The following FMN2 variants were observed in gnomAD, a reference collection of about 807,000 sequenced individuals.
The protein encoded by FMN2 is formin 2, also known as formin-2.
FMN2 carries 51 observed loss-of-function variants against 142.3 expected under a neutral mutation model. The ratio of observed to expected loss-of-function variants is 0.36; its 90% confidence interval spans 0.29 to 0.45. FMN2 has a LOEUF of 0.45. Among genes scored for constraint, FMN2 ranks in the 20% least tolerant of loss-of-function variants. The pLI, the probability that FMN2 is intolerant of heterozygous loss-of-function variation, is 1.00. For synonymous variants in FMN2, 882 were observed against 869.8 expected (o/e 1.01, Z -0.25); for missense variants, 1,936 against 2,122.8 (o/e 0.91, Z 1.73).
intron 2 of FMN2, among the ~76,000 whole-genome samples, chr1:240,162,300 C>T (rs1188274827): frequency 6.6e-6 from 1 of 151,984 alleles, no homozygotes; most frequent in Non-Finnish European, 1.5e-5. Flanking sequence ...CCCATCTCTA[C>T]TAAAAATAGA....
At chr1:240,439,280 A>AAAAAAG (rs1553265374) in intron 16 of FMN2, among the ~76,000 whole-genome samples, 1 of 34,224 alleles carries the variant, frequency 2.9e-5, no homozygotes, top group Non-Finnish European at 7.7e-5. Context: ...CAAAAAAAAA[A>AAAAAAG]AAGAAAGAAA....
At chr1:240,147,380 A>G (rs1399931033) in intron 2 of FMN2, among the ~76,000 whole-genome samples, 1 of 152,076 alleles carries the variant, frequency 6.6e-6, no homozygotes, top group African/African-American at 2.4e-5. Flanking sequence ...TTCTGTTGCC[A>G]TCACTCTGGT....
intron 1 of FMN2, among the ~76,000 whole-genome samples, chr1:240,111,100 T>C (rs1661792831): frequency 6.6e-6 from 1 of 152,228 alleles, no homozygotes; most frequent in Non-Finnish European, 1.5e-5. Flanking sequence ...TATTGGGTAC[T>C]GTTAAGCCTG....
chr1:240,416,415 C>T (rs894844564), intron 15 of FMN2, among the ~76,000 whole-genome samples: 1 of 151,956 alleles, frequency 6.6e-6, no homozygotes, highest in Non-Finnish European at 1.5e-5. Flanking sequence ...CGTGCCACCA[C>T]CAAAAATTAG....
intron 14 of FMN2, among the ~76,000 whole-genome samples, chr1:240,356,216 C>T (rs1394635467): frequency 6.6e-6 from 1 of 151,946 alleles, no homozygotes; most frequent in Non-Finnish European, 1.5e-5. Context: ...ATTAACAATT[C>T]TGTGCTTTTT....
At chr1:240,346,271 TTAATAA>T (rs147700048) in intron 13 of FMN2, among the ~76,000 whole-genome samples, 3 of 151,872 alleles carry the variant, frequency 2.0e-5, no homozygotes, top group Non-Finnish European at 4.4e-5. Flanking sequence ...CAGTAAGAAA[TTAATAA>T]TAATAATAAA....
At chr1:240,141,414 C>T (rs980598481) in intron 2 of FMN2, among the ~76,000 whole-genome samples, 16 of 152,134 alleles carry the variant, frequency 1.1e-4, no homozygotes, top group East Asian at 3.9e-4. Context: ...TGCAATGGCA[C>T]GATCTCGGCT....
intron 4 of FMN2, among the ~76,000 whole-genome samples, chr1:240,192,841 T>A (rs528633267): frequency 0.2 from 5,528 of 28,158 alleles, 345 homozygotes; most frequent in African/African-American, 0.47. Context: ...AAAGAAAGGA[T>A]TTTTTTTTTT....
intron 2 of FMN2, among the ~76,000 whole-genome samples, chr1:240,161,275 T>TA (rs1459506742): frequency 6.6e-6 from 1 of 152,004 alleles, no homozygotes; most frequent in East Asian, 1.9e-4. Flanking sequence ...AGATGATCTT[T>TA]AAAAAAATCA....
At chr1:240,204,524 G>A (rs915239181) in intron 4 of FMN2, among the ~76,000 whole-genome samples, 3 of 152,246 alleles carry the variant, frequency 2.0e-5, no homozygotes, top group African/African-American at 4.8e-5. Context: ...GCCGAGGTGC[G>A]TGGATCACCT....
At chr1:240,118,076 G>A (rs1302621384) in intron 1 of FMN2, among the ~76,000 whole-genome samples, 1 of 152,170 alleles carries the variant, frequency 6.6e-6, no homozygotes, top group Non-Finnish European at 1.5e-5. Context: ...AAGTCTTCAT[G>A]GTGAGAGTGA....
intron 15 of FMN2, among the ~76,000 whole-genome samples, chr1:240,397,184 A>G (rs1673810137): frequency 6.6e-6 from 1 of 152,004 alleles, no homozygotes; most frequent in Admixed American, 6.6e-5. Context: ...GGTGATTTTG[A>G]TTTGTATTTC....
chr1:240,344,655 C>T (rs936854771), intron 13 of FMN2, among the ~76,000 whole-genome samples: 5 of 151,970 alleles, frequency 3.3e-5, no homozygotes, highest in Admixed American at 6.6e-5. Flanking sequence ...AGTCATTAGT[C>T]GTTGAATTCT....
intron 4 of FMN2, among the ~76,000 whole-genome samples, chr1:240,190,079 A>G (rs1665643081): frequency 6.6e-6 from 1 of 152,208 alleles, no homozygotes; most frequent in Non-Finnish European, 1.5e-5. Context: ...CTATTTCAAG[A>G]TACATATTCA....
intron 14 of FMN2, among the ~76,000 whole-genome samples, chr1:240,379,840 G>C (rs934277780): frequency 2.0e-5 from 3 of 151,976 alleles, no homozygotes; most frequent in African/African-American, 7.2e-5. Flanking sequence ...AAACAAAATA[G>C]ATAGACCACT....
intron 6 of FMN2, among the ~76,000 whole-genome samples, chr1:240,228,662 T>TA (rs1206106195): frequency 6.6e-6 from 1 of 152,140 alleles, no homozygotes; most frequent in Non-Finnish European, 1.5e-5. Context: ...TATTTGCTAG[T>TA]AAGTATTTTT....
rs945437833 is a variant in FMN2, at chr1:240,473,802, C to A, written c.5143-326C>A. Among the ~76,000 whole-genome samples, 1 of 152,110 alleles carries A rather than the reference C, an allele frequency of 6.6e-6. No individual in the cohort carries two copies. Among genetic ancestry groups the A allele is most frequent in the African/African-American group, 2.4e-5 (1 of 41,416 alleles). On this transcript the variant is annotated intron_variant, in intron 17 of 17. Coordinates refer to ENST00000319653, the MANE Select transcript of FMN2 (RefSeq NM_020066.5). This position sits in a 1 kb window ranked among gnomAD's most constrained non-coding sequence, Gnocchi z 4.3. ...AGAGTACATTTACCATGAAGTGAAG[C>A]AGCCACTTCAGTTTTCATATTTATG...
intron 16 of FMN2, among the ~76,000 whole-genome samples, chr1:240,438,560 G>C (rs1474533458): frequency 6.6e-6 from 1 of 152,200 alleles, no homozygotes; most frequent in Non-Finnish European, 1.5e-5. Flanking sequence ...GATAGCAAAG[G>C]CTAGAAGGGT....
chr1:240,149,961 A>G (rs1012856451), intron 2 of FMN2, among the ~76,000 whole-genome samples: 1 of 152,226 alleles, frequency 6.6e-6, no homozygotes, highest in African/African-American at 2.4e-5. Flanking sequence ...TAAGGTATCA[A>G]TAACATTAGA....
Sources: allele counts gnomAD v4.1 joint callset (sites outside exome capture counted in the v4.1 genomes callset), GRCh38; gene constraint gnomAD v4.1.1; non-coding constraint Gnocchi (gnomAD v3.1); transcripts MANE v1.5; gene names NCBI Gene and HGNC (gene_info 2026-07-23, HGNC 2026-07-21).